The following SYTL2 variants were observed in gnomAD, a reference collection of about 807,000 sequenced individuals.
SYTL2 encodes synaptotagmin-like protein 2.
In SYTL2, 165 loss-of-function variants were observed where a neutral mutation model predicts 198.7. The observed-to-expected ratio is 0.83, with a 90% confidence interval of 0.73 to 0.94. The LOEUF (loss-of-function observed/expected upper bound fraction) is 0.94. Ranked by LOEUF, SYTL2 falls within the 40% of genes least tolerant of loss-of-function variation. The pLI is 0.00. For synonymous variants in SYTL2, 966 were observed against 917.7 expected (o/e 1.05, Z -0.95); for missense variants, 2,835 against 2,582.8 (o/e 1.10, Z -2.12).
chr11:85,732,342 C>T (rs939307922), intron 7 of SYTL2, among the ~76,000 whole-genome samples: 5 of 152,144 alleles, frequency 3.3e-5, no homozygotes, highest in African/African-American at 1.2e-4. Context: ...GGAACCAACC[C>T]AAATGCCCAT....
At chr11:85,820,387 G>A in the SYTL2 span, among the ~76,000 whole-genome samples, 232 of 152,282 alleles carry the variant, frequency 1.5e-3, no homozygotes, top group Non-Finnish European at 3.0e-3. Context: ...ACTGCCCATG[G>A]CAAAATAAAG....
At chr11:85,784,530 G>C (rs1325102229) in intron 1 of SYTL2, among the ~76,000 whole-genome samples, 1 of 152,170 alleles carries the variant, frequency 6.6e-6, no homozygotes, top group Non-Finnish European at 1.5e-5. Context: ...AGAAAAACAA[G>C]TGGAAGTAAA....
chr11:85,726,212 T>C lies in SYTL2; in HGVS notation c.3146A>G (p.Glu1049Gly). ...LLSPKKVMAR[E>G]EMEKLNSKGI... ...CTTTGAATTTAATTTCTCCATTTCC[T>C]CTCTTGCCATAACTTTTTTTGGGCT... The change falls in exon 8 of 20, where the codon GAG becomes GGG. Residue 1049 changes from glutamate (E) to glycine (G), a missense_variant. By Grantham distance (98) the Glu-to-Gly change is moderately conservative. Transcript: ENST00000359152. 15 of 1,613,268 alleles carry C rather than the reference T, an allele frequency of 9.3e-6. No individual in the cohort carries two copies. The highest frequency in any genetic ancestry group is 1.3e-5 in the Non-Finnish European group (15 of 1,179,770).
At chr11:85,843,125 G>C in the SYTL2 span, among the ~76,000 whole-genome samples, 1 of 152,138 alleles carries the variant, frequency 6.6e-6, no homozygotes, top group South Asian at 2.1e-4. Flanking sequence ...TATAATCCCA[G>C]CACTTTGGGA....
the SYTL2 span, among the ~76,000 whole-genome samples, chr11:85,847,762 A>G: frequency 1.3e-4 from 20 of 152,296 alleles, no homozygotes; most frequent in African/African-American, 4.6e-4. Flanking sequence ...GGCCATGAAT[A>G]TATCTATTTT....
At chr11:85,748,121 G>A in intron 3 of SYTL2, 151 bp downstream of exon 3, 1 of 922,496 alleles carries the variant, frequency 1.1e-6, no homozygotes, top group Admixed American at 2.6e-5. Context: ...CCAAATCCAA[G>A]GCAAGGGAAA....
the SYTL2 span, among the ~76,000 whole-genome samples, chr11:85,838,562 G>A: frequency 1.3e-5 from 2 of 152,148 alleles, no homozygotes; most frequent in South Asian, 4.1e-4. Context: ...GAAGGCAAAT[G>A]GGAAGCAGGT....
Position 85,780,040 on chromosome 11 carries a change from T to C in SYTL2, c.-389-21926A>G, listed in dbSNP as rs78705668. On this transcript the variant is annotated intron_variant, in intron 1 of 19. Transcript: ENST00000359152. The stretch of plus-strand genomic sequence containing the variant: ...AAGGATGATCTCTCACATAGACTCC[T>C]TCTGACGATAAAATGCTGTGACTCA... Among the ~76,000 whole-genome samples, 47 of 152,354 alleles carry C rather than the reference T, an allele frequency of 3.1e-4. No homozygotes were observed. In the East Asian group the frequency reaches 7.9e-3, roughly 26 times the overall value.
chr11:85,816,676 G>A, the SYTL2 span, among the ~76,000 whole-genome samples: 1 of 152,190 alleles, frequency 6.6e-6, no homozygotes, highest in Admixed American at 6.5e-5. Context: ...TTGGGACGCT[G>A]AAGCAGTAAG....
chr11:85,797,692 G>C (rs1379259159), intron 1 of SYTL2, among the ~76,000 whole-genome samples: 1 of 151,430 alleles, frequency 6.6e-6, no homozygotes, highest in Non-Finnish European at 1.5e-5. Context: ...TGTCCCTTTT[G>C]TCAGCTACAG....
chr11:85,779,372 T>C (rs1283334173), intron 1 of SYTL2, among the ~76,000 whole-genome samples: 2 of 152,192 alleles, frequency 1.3e-5, no homozygotes, highest in Non-Finnish European at 2.9e-5. Flanking sequence ...TCTGGAACAC[T>C]TACACGGGCT....
At position 85,694,769 on chromosome 11, in the gene SYTL2, AT is replaced by A. The variant is rs940619581; in HGVS notation, c.*425del. The A allele has an allele frequency of 2.6e-5, 4 of 152,518 alleles. No homozygotes were observed. The highest frequency in any genetic ancestry group is 9.7e-5 in the African/African-American group (4 of 41,276). The allele number at this position is 152,518 out of a possible 1,614,324, so 9.4% of individuals were successfully genotyped here. On this transcript the variant is annotated 3_prime_UTR_variant, in exon 20 of 20. Transcript: ENST00000359152. Reference sequence around the variant, plus strand: ...CTCCATTCCCTGCTCCACTTTGAGTATCTTTCTGCGACTTTTTCCCACAACC... The same window carrying A: ...CTCCATTCCCTGCTCCACTTTGAGTACTTTCTGCGACTTTTTCCCACAACC...
At chr11:85,714,976 G>A (rs1450740986) in intron 11 of SYTL2, 1 of 153,092 alleles carries the variant, frequency 6.5e-6, no homozygotes, top group South Asian at 2.1e-4. Flanking sequence ...GTTGTTGAGT[G>A]TCTTAGAGTA....
intron 1 of SYTL2, among the ~76,000 whole-genome samples, chr11:85,775,463 T>A (rs1196068927): frequency 6.6e-6 from 1 of 152,118 alleles, no homozygotes; most frequent in East Asian, 1.9e-4. Context: ...TAGGAATAAG[T>A]ATCTTCATAA....
At chr11:85,840,732 A>G in the SYTL2 span, among the ~76,000 whole-genome samples, 1 of 152,132 alleles carries the variant, frequency 6.6e-6, no homozygotes. Flanking sequence ...TGGATTAAAA[A>G]CTTAAATGTA....
the SYTL2 span, among the ~76,000 whole-genome samples, chr11:85,824,981 A>T: frequency 6.6e-6 from 1 of 152,184 alleles, no homozygotes; most frequent in Non-Finnish European, 1.5e-5. Flanking sequence ...ATCCCTAGGA[A>T]AAGGATGTCT....
chr11:85,737,690 C>T, intron 4 of SYTL2, 34 bp from the exon 5 acceptor site: 3 of 1,570,246 alleles, frequency 1.9e-6, no homozygotes, highest in Non-Finnish European at 2.6e-6. Flanking sequence ...AGAATAAAAC[C>T]TCACCTTTTG....
chr11:85,722,349 AT>A lies in SYTL2; in HGVS notation c.5327-1391del, dbSNP rs534383583. On this transcript the variant is annotated intron_variant, in intron 8 of 19. Transcript: ENST00000359152. ...CCACCACGCCCGGCTACTTTATTGT[AT>A]TTTTTAGTAGAGATGGGGTTTCACC... 7.5e-3 allele frequency among the ~76,000 whole-genome samples: 1,137 copies of A among 151,474 alleles called. 7 individuals carry two copies. The highest frequency in any genetic ancestry group is 0.012 in the Non-Finnish European group (837 of 67,828).
intron 2 of SYTL2, among the ~76,000 whole-genome samples, chr11:85,753,600 G>A (rs2091678751): frequency 6.6e-6 from 1 of 151,988 alleles, no homozygotes; most frequent in African/African-American, 2.4e-5. Context: ...AAGATGGGAA[G>A]TAACAAAACC....
Sources: allele counts gnomAD v4.1 joint callset (sites outside exome capture counted in the v4.1 genomes callset), GRCh38; gene constraint gnomAD v4.1.1; transcripts MANE v1.5; gene names NCBI Gene and HGNC (gene_info 2026-07-23, HGNC 2026-07-21).